LARGE1: variants seen among roughly 807,000 people sequenced by gnomAD.
LARGE1 encodes xylosyl- and glucuronyltransferase LARGE1.
A neutral mutation model predicts 87.6 loss-of-function variants in LARGE1; 43 were observed. The ratio of observed to expected loss-of-function variants is 0.49; its 90% CI spans 0.38 to 0.63. LARGE1 has a LOEUF of 0.63. Ranked by LOEUF, LARGE1 falls within the 30% of genes least tolerant of loss-of-function variation. The probability of loss-of-function intolerance (pLI) is 0.00; values close to 1 mark genes in which losing one functional copy is unlikely to be tolerated. For missense variants in LARGE1, 802 were observed against 1,000.2 expected, an observed-to-expected ratio of 0.80 and a Z score of 2.67; for synonymous variants, 434 against 394.6, an observed-to-expected ratio of 1.10 and a Z score of -1.18.
At position 33,315,989 on chromosome 22, in the gene LARGE1, G is replaced by C. The variant is rs1413997976; in HGVS notation, c.1451+96C>G. The C allele has an allele frequency of 4.4e-6, 6 of 1,366,392 alleles. No homozygotes were observed. The East Asian group carries it at 1.5e-4, about 34-fold the overall frequency. The allele number at this position is 1,366,392 out of a possible 1,614,324, so 84.6% of individuals were successfully genotyped here. On this transcript the variant is annotated intron_variant, in intron 11 of 14. Transcript: ENST00000397394. Reference sequence around the variant, plus strand: ...CCTGCTCCATCCTCCAATTTTAGCAGATGCACTGGGAAGCAGGCACACCCT... The same window carrying C: ...CCTGCTCCATCCTCCAATTTTAGCACATGCACTGGGAAGCAGGCACACCCT...
At chr22:33,614,784 C>T (rs1569314085) in intron 4 of LARGE1, among the ~76,000 whole-genome samples, 2 of 152,198 alleles carry the variant, frequency 1.3e-5, no homozygotes, top group Admixed American at 1.3e-4. Flanking sequence ...ACCTCCTACC[C>T]TCCATGAGAC....
chr22:33,313,329 T>C (rs1935809371), intron 11 of LARGE1, among the ~76,000 whole-genome samples: 1 of 152,090 alleles, frequency 6.6e-6, no homozygotes, highest in Non-Finnish European at 1.5e-5. Context: ...CTCGGACACA[T>C]TCCCTGCCTT....
chr22:33,677,600 C>T (rs1163965074), intron 2 of LARGE1, among the ~76,000 whole-genome samples: 1 of 152,138 alleles, frequency 6.6e-6, no homozygotes, highest in African/African-American at 2.4e-5. Flanking sequence ...AGTCAGAAGC[C>T]TAAGGGTTTC....
intron 9 of LARGE1, among the ~76,000 whole-genome samples, chr22:33,377,009 G>A (rs1220761884): frequency 1.3e-5 from 2 of 152,162 alleles, no homozygotes; most frequent in Non-Finnish European, 2.9e-5. Context: ...CCTGGGAGAG[G>A]TCCATCCTGG....
intron 9 of LARGE1, among the ~76,000 whole-genome samples, chr22:33,344,302 G>T (rs1377987004): frequency 6.6e-6 from 1 of 152,040 alleles, no homozygotes; most frequent in African/African-American, 2.4e-5. Flanking sequence ...CACTGATTTT[G>T]TGCCAGACAC....
At chr22:33,599,312 C>T (rs1240588667) in intron 5 of LARGE1, among the ~76,000 whole-genome samples, 7 of 152,294 alleles carry the variant, frequency 4.6e-5, no homozygotes, top group Admixed American at 3.3e-4. Context: ...CCCCCAGGGT[C>T]ATCATGAGAG....
chr22:33,803,428 C>G (rs537388665), intron 1 of LARGE1, among the ~76,000 whole-genome samples: 1 of 152,240 alleles, frequency 6.6e-6, no homozygotes, highest in Non-Finnish European at 1.5e-5. Context: ...CCAGTAAATG[C>G]TAATGGAATT....
At chr22:33,872,940 C>T (rs2146691198) in intron 1 of LARGE1, among the ~76,000 whole-genome samples, 2 of 151,968 alleles carry the variant, frequency 1.3e-5, no homozygotes, top group Middle Eastern at 3.4e-3. Context: ...GTGGAGGTTA[C>T]AGTGAACCGA....
chr22:33,551,465 T>C (rs2077519054), intron 6 of LARGE1, among the ~76,000 whole-genome samples: 1 of 152,238 alleles, frequency 6.6e-6, no homozygotes, highest in African/African-American at 2.4e-5. Flanking sequence ...CACATGGCTA[T>C]TAGTTCAATT....
intron 1 of LARGE1, among the ~76,000 whole-genome samples, chr22:33,897,940 A>G (rs1259245361): frequency 1.3e-5 from 2 of 152,040 alleles, no homozygotes; most frequent in Non-Finnish European, 2.9e-5. Flanking sequence ...TTGTTTTATG[A>G]TTTGCTTGGG....
intron 6 of LARGE1, among the ~76,000 whole-genome samples, chr22:33,440,071 T>A (rs948672676): frequency 1.3e-5 from 2 of 152,188 alleles, no homozygotes; most frequent in Admixed American, 6.5e-5. Context: ...CCCTGTGCCA[T>A]TCCATTCTGC....
At chr22:33,638,692 CCTA>C (rs2080342104) in intron 3 of LARGE1, among the ~76,000 whole-genome samples, 1 of 152,200 alleles carries the variant, frequency 6.6e-6, no homozygotes, top group Non-Finnish European at 1.5e-5. Flanking sequence ...TAAAACCTTT[CCTA>C]GCAGTTTTCT....
At position 33,785,095 on chromosome 22, in the gene LARGE1, ACATGTGTATACATACATATGTGTATATG is replaced by A. The variant is rs1569445789; in HGVS notation, c.-82-23565_-82-23538del. Among the ~76,000 whole-genome samples the A allele has an allele frequency of 1.1e-3, 167 of 150,096 alleles. 9 individuals are homozygous for A. Among genetic ancestry groups the A allele is most frequent in the African/African-American group, 3.1e-3 (128 of 40,688 alleles). The stretch of plus-strand genomic sequence containing the variant: ...TGTGTATACATACATATGTGTATAT[ACATGTGTATACATACATATGTGTATATG>A]CATATATGTGTATACATACATATGT... On this transcript the variant is annotated intron_variant, in intron 1 of 14. Coordinates refer to ENST00000397394, the MANE Select transcript of LARGE1 (RefSeq NM_133642.5).
intron 1 of LARGE1, among the ~76,000 whole-genome samples, chr22:33,877,473 G>A (rs1224969993): frequency 6.6e-6 from 1 of 152,114 alleles, no homozygotes; most frequent in Non-Finnish European, 1.5e-5. Flanking sequence ...GAATGACTTT[G>A]GGCAAGTTTC....
the LARGE1 span, among the ~76,000 whole-genome samples, chr22:33,078,107 C>A: frequency 2.0e-5 from 3 of 152,126 alleles, no homozygotes; most frequent in Non-Finnish European, 2.9e-5. Context: ...CCGGTGATTT[C>A]TCTTTCCCTA....
intron 11 of LARGE1, among the ~76,000 whole-genome samples, chr22:33,239,457 G>A (rs780735452): frequency 6.6e-6 from 1 of 151,090 alleles, no homozygotes; most frequent in Non-Finnish European, 1.5e-5. Context: ...TTATTAAGCT[G>A]ACAATACTTC....
intron 1 of LARGE1, among the ~76,000 whole-genome samples, chr22:33,843,292 C>T (rs1270675867): frequency 2.6e-5 from 4 of 151,916 alleles, no homozygotes; most frequent in African/African-American, 9.7e-5. Flanking sequence ...GCACTTTGGG[C>T]CAGGCACAGT....
At chr22:33,634,341 T>C (rs1388822650) in intron 3 of LARGE1, among the ~76,000 whole-genome samples, 1 of 152,154 alleles carries the variant, frequency 6.6e-6, no homozygotes, top group Non-Finnish European at 1.5e-5. Context: ...ATAGTCTGCA[T>C]CCAGGCGACA....
At chr22:33,721,474 T>C (rs1241230939) in intron 2 of LARGE1, among the ~76,000 whole-genome samples, 1 of 152,224 alleles carries the variant, frequency 6.6e-6, no homozygotes, top group Non-Finnish European at 1.5e-5. Context: ...TTCACCCACT[T>C]ACCTTAAATG....
Sources: gnomAD v4.1 joint callset for allele counts (sites outside exome capture counted in the v4.1 genomes callset) on GRCh38, gnomAD v4.1.1 for gene constraint, MANE v1.5 for transcripts, NCBI Gene and HGNC (gene_info 2026-07-23, HGNC 2026-07-21) for gene names.